The following XXYLT1 variants were observed in gnomAD, a reference collection of about 807,000 sequenced individuals.
XXYLT1 encodes xyloside xylosyltransferase 1.
In XXYLT1, 20 loss-of-function variants were observed where a neutral mutation model predicts 28.9. That is an observed-to-expected ratio of 0.69 (90% CI 0.49 to 1.00). The LOEUF is 1.00. Among genes scored for constraint, XXYLT1 ranks in the 50% least tolerant of loss-of-function variants. XXYLT1 has a pLI of 0.00. For missense variants in XXYLT1, 542 were observed against 560.1 expected, an observed-to-expected ratio of 0.97 and a Z score of 0.33; for synonymous variants, 257 against 253.8, an observed-to-expected ratio of 1.01 and a Z score of -0.12.
At chr3:195,070,156 AGCCTGCCG>A in intron 3 of XXYLT1, 45 bp from the exon 4 acceptor site, 1 of 1,502,784 alleles carries the variant, frequency 6.7e-7, no homozygotes, top group Middle Eastern at 2.0e-4. Flanking sequence ...CAGGGGAACC[AGCCTGCCG>A]GCCTGCTGCC....
At chr3:195,081,628 G>A (rs1193112342) in intron 3 of XXYLT1, among the ~76,000 whole-genome samples, 2 of 152,222 alleles carry the variant, frequency 1.3e-5, no homozygotes, top group African/African-American at 4.8e-5. Context: ...ACTGGAGAAG[G>A]CACTCAAACT....
At chr3:195,113,331 A>G (rs960478701) in intron 3 of XXYLT1, among the ~76,000 whole-genome samples, 1 of 152,206 alleles carries the variant, frequency 6.6e-6, no homozygotes, top group Admixed American at 6.5e-5. Flanking sequence ...GAGTTGGGAA[A>G]GCTTGGGAGG....
chr3:195,211,192 G>A (rs1723294581), intron 2 of XXYLT1, among the ~76,000 whole-genome samples: 1 of 152,142 alleles, frequency 6.6e-6, no homozygotes, highest in South Asian at 2.1e-4. Context: ...TGAGGAGTTC[G>A]AGACCAGCCT....
chr3:195,161,581 G>A lies in XXYLT1; in HGVS notation c.653-5000C>T, dbSNP rs7616541. The stretch of plus-strand genomic sequence containing the variant: ...AAACTTCTGGAAGAAAGGGTTTTAT[G>A]CCCTTGTATCACCGAATCATCTAAA... On this transcript the variant is annotated intron_variant, in intron 2 of 3. Coordinates refer to ENST00000310380, the MANE Select transcript of XXYLT1 (RefSeq NM_152531.5). Among the ~76,000 whole-genome samples, 1,361 of 151,716 alleles carry A rather than the reference G, an allele frequency of 9.0e-3. 17 individuals carry two copies. The highest frequency in any genetic ancestry group is 0.031 in the African/African-American group (1,297 of 41,338).
intron 3 of XXYLT1, among the ~76,000 whole-genome samples, chr3:195,099,287 C>T (rs941038759): frequency 2.6e-5 from 4 of 152,194 alleles, no homozygotes; most frequent in Admixed American, 6.5e-5. Flanking sequence ...CGTGGACTCA[C>T]GTGTGGGGTA....
intron 1 of XXYLT1, among the ~76,000 whole-genome samples, chr3:195,244,290 G>A (rs1217620465): frequency 6.6e-6 from 1 of 152,196 alleles, no homozygotes; most frequent in Non-Finnish European, 1.5e-5. Context: ...CGTGTCTCCA[G>A]CAAGCCTGCA....
intron 3 of XXYLT1, among the ~76,000 whole-genome samples, chr3:195,128,040 T>C (rs1185039775): frequency 1.3e-5 from 2 of 152,114 alleles, no homozygotes; most frequent in Non-Finnish European, 2.9e-5. Context: ...TGAAAGAGCC[T>C]GGCATGCCAG....
chr3:195,270,248 G>A lies in XXYLT1; in HGVS notation c.504+307C>T, dbSNP rs1297146937. 19 of 582,502 alleles carry A rather than the reference G, an allele frequency of 3.3e-5. No homozygotes were observed. The East Asian group carries it at 5.7e-4, about 17-fold the overall frequency. The allele number at this position is 582,502 out of a possible 1,614,324, so 36.1% of individuals were successfully genotyped here. On this transcript the variant is annotated intron_variant, in intron 1 of 3. Transcript: ENST00000310380. ...AGGTGCAGACTCTGAAGGCAGTGCT[G>A]AACCCTGCAACGTTAGCAAAATGGG...
intron 2 of XXYLT1, among the ~76,000 whole-genome samples, chr3:195,216,101 A>C (rs1723560512): frequency 6.6e-6 from 1 of 152,156 alleles, no homozygotes; most frequent in Non-Finnish European, 1.5e-5. Context: ...GAAGGCAGAA[A>C]TAAAGATGTT....
In XXYLT1 at chr3:195,140,673, A is replaced by G. The variant is rs79746072; in HGVS notation, c.785+15776T>C. 2.7e-3 allele frequency among the ~76,000 whole-genome samples: 405 copies of G among 152,086 alleles called. 5 individuals are homozygous for G. Among genetic ancestry groups the G allele is most frequent in the African/African-American group, 7.5e-3 (312 of 41,480 alleles). On this transcript the variant is annotated intron_variant, in intron 3 of 3. Coordinates refer to ENST00000310380, the MANE Select transcript of XXYLT1 (RefSeq NM_152531.5). ...AGAGTGAGAGAGAGAGTGAGAACAA[A>G]AGAGAGAGAGCACAAGAAGGGGGAA...
In XXYLT1 at chr3:195,270,818, C is replaced by A; in HGVS notation, c.241G>T (p.Ala81Ser). 1.3e-6 allele frequency: 2 copies of A among 1,491,142 alleles called. No individual in the cohort carries two copies. Among genetic ancestry groups the A allele is most frequent in the Non-Finnish European group, 1.8e-6 (2 of 1,122,362 alleles). The allele number at this position is 1,491,142 out of a possible 1,614,324, so 92.4% of individuals were successfully genotyped here. Residue 81 changes from alanine to serine, a missense_variant, in exon 1 of 4, where the codon GCC becomes TCC. Physicochemically the swap from Ala to Ser is moderately conservative, Grantham distance 99 (BLOSUM62 1). Coordinates refer to ENST00000310380, the MANE Select transcript of XXYLT1 (RefSeq NM_152531.5). ...LELARGSVAP[A>S]PGAKAKSLEG... is the part of the protein sequence containing the mutation. Reference sequence around the variant, plus strand: ...AAGCTCTTGGCCTTCGCGCCGGGGGCTGGCGCCACGGAGCCCCGCGCTAGC... The same window carrying A: ...AAGCTCTTGGCCTTCGCGCCGGGGGATGGCGCCACGGAGCCCCGCGCTAGC...
intron 2 of XXYLT1, among the ~76,000 whole-genome samples, chr3:195,157,513 A>G (rs537001234): frequency 6.6e-6 from 1 of 152,306 alleles, no homozygotes; most frequent in African/African-American, 2.4e-5. Context: ...CCTGGCACCT[A>G]AGAGCTGCTT....
In XXYLT1 at chr3:195,108,441, C is replaced by A. The variant is rs190164448; in HGVS notation, c.786-38330G>T. The stretch of plus-strand genomic sequence containing the variant: ...ATTGATTTCCTGTCTGTAAAATACA[C>A]ATTTGGAGTAAAAAATCTGGAAAAC... On this transcript the variant is annotated intron_variant, in intron 3 of 3. Coordinates refer to ENST00000310380, the MANE Select transcript of XXYLT1 (RefSeq NM_152531.5). Among the ~76,000 whole-genome samples, 29 of 152,328 alleles carry A rather than the reference C, an allele frequency of 1.9e-4. No individual in the cohort carries two copies. The East Asian group carries it at 5.6e-3, about 29-fold the overall frequency.
chr3:195,103,075 C>T (rs13087430), intron 3 of XXYLT1, among the ~76,000 whole-genome samples: 107,320 of 152,100 alleles, frequency 0.71, 38,036 homozygotes, highest in Admixed American at 0.74. Flanking sequence ...TCTAAGGAAT[C>T]AACCCCGTAC....
chr3:195,262,144 A>C (rs1725717055), intron 1 of XXYLT1, among the ~76,000 whole-genome samples: 1 of 152,282 alleles, frequency 6.6e-6, no homozygotes, highest in Non-Finnish European at 1.5e-5. Flanking sequence ...ATACGATGGA[A>C]TAGTATCCAA....
Position 195,143,821 on chromosome 3 carries a change from GAT to G in XXYLT1, c.785+12626_785+12627del, listed in dbSNP as rs1302720489. The stretch of plus-strand genomic sequence containing the variant: ...ATATAGATAGATATATATAGATATA[GAT>G]ATATATAGATATAGATATAGATATA... On this transcript the variant is annotated intron_variant, in intron 3 of 3. Coordinates refer to ENST00000310380, the MANE Select transcript of XXYLT1 (RefSeq NM_152531.5). 2.2e-3 allele frequency among the ~76,000 whole-genome samples: 165 copies of G among 74,148 alleles called. 5 individuals are homozygous for G. The highest frequency in any genetic ancestry group is 7.3e-3 in the African/African-American group (152 of 20,842). The allele number at this position is 74,148 out of a possible 152,430, so 48.6% of individuals were successfully genotyped here.
chr3:195,106,215 T>A, intron 3 of XXYLT1, among the ~76,000 whole-genome samples: 1 of 152,210 alleles, frequency 6.6e-6, no homozygotes, highest in Non-Finnish European at 1.5e-5. Context: ...TGTCATTCAC[T>A]AGTGTTCTCG....
intron 2 of XXYLT1, among the ~76,000 whole-genome samples, chr3:195,174,743 G>A (rs1177578681): frequency 7.7e-6 from 1 of 129,938 alleles, no homozygotes; most frequent in Non-Finnish European, 1.5e-5. Flanking sequence ...CCTCCCCTTG[G>A]CTGCCTCCTC....
Position 195,256,441 on chromosome 3 carries a change from A to C in XXYLT1, c.504+14114T>G. On this transcript the variant is annotated intron_variant, in intron 1 of 3. Transcript: ENST00000310380. This position sits in a 1 kb window ranked among gnomAD's most constrained non-coding sequence, Gnocchi z 4.2. ...CCTGAGGTGCGGCCCTGCACAGGGCAGGGCCCGAGAAACGAACCAGTACCT... is the reference window on the plus strand; with the variant it reads ...CCTGAGGTGCGGCCCTGCACAGGGCCGGGCCCGAGAAACGAACCAGTACCT... 1.0e-6 allele frequency: 1 copy of C among 964,878 alleles called. No individual in the cohort carries two copies. The highest frequency in any genetic ancestry group is 1.2e-6 in the Non-Finnish European group (1 of 811,244). The allele number at this position is 964,878 out of a possible 1,614,324, so 59.8% of individuals were successfully genotyped here.
Sources: allele counts gnomAD v4.1 joint callset (sites outside exome capture counted in the v4.1 genomes callset), GRCh38; gene constraint gnomAD v4.1.1; non-coding constraint Gnocchi (gnomAD v3.1); transcripts MANE v1.5; gene names NCBI Gene and HGNC (gene_info 2026-07-23, HGNC 2026-07-21).